N4BP2: variants seen among roughly 807,000 people sequenced by gnomAD.
N4BP2 encodes NEDD4 binding protein 2, also known as NEDD4-binding protein 2.
N4BP2 carries 91 observed loss-of-function variants against 152.8 expected under a neutral mutation model. That is an observed-to-expected ratio of 0.60 (90% CI 0.50 to 0.71). The LOEUF (loss-of-function observed/expected upper bound fraction) is 0.71, where lower values mean the gene tolerates loss of function less well. N4BP2 is among the 30% of genes least tolerant of loss of function. The probability of loss-of-function intolerance (pLI) is 0.00; values close to 1 mark genes in which losing one functional copy is unlikely to be tolerated. For synonymous variants in N4BP2, 646 were observed against 705.3 expected (o/e 0.92, Z 1.33); for missense variants, 1,923 against 2,059.1 (o/e 0.93, Z 1.28).
At chr4:40,110,784 C>T (rs116663307) in intron 5 of N4BP2, among the ~76,000 whole-genome samples, 1,538 of 152,196 alleles carry the variant, frequency 0.01, 35 homozygotes, top group African/African-American at 0.034. Context: ...GTGATCCGCC[C>T]GCCTCAGTAT....
chr4:40,145,928 G>A (rs185270964), intron 16 of N4BP2, among the ~76,000 whole-genome samples: 2 of 152,186 alleles, frequency 1.3e-5, no homozygotes, highest in East Asian at 3.9e-4. Context: ...TTCGGAGGCC[G>A]AGGTGGGCGG....
intron 9 of N4BP2, 21 bp downstream of exon 9, chr4:40,122,330 C>A (rs1718016803): frequency 6.8e-7 from 1 of 1,474,562 alleles, no homozygotes; most frequent in Non-Finnish European, 9.2e-7. Flanking sequence ...AGTAAATGAC[C>A]ATGTGTGTGT....
At chr4:40,166,725 A>T in the N4BP2 span, 1 of 152,142 alleles carries the variant, frequency 6.6e-6, no homozygotes, top group African/African-American at 2.4e-5. Context: ...TAATTAATAG[A>T]TGCACTTTTT....
intron 5 of N4BP2, among the ~76,000 whole-genome samples, chr4:40,111,682 C>G (rs1339385624): frequency 6.6e-6 from 1 of 151,994 alleles, no homozygotes; most frequent in Non-Finnish European, 1.5e-5. Context: ...GTGGCCTGAT[C>G]TTGGCTCACT....
At chr4:40,066,441 C>T (rs1306038792) in intron 1 of N4BP2, among the ~76,000 whole-genome samples, 1 of 150,054 alleles carries the variant, frequency 6.7e-6, no homozygotes, top group Non-Finnish European at 1.5e-5. Flanking sequence ...GCCTCAGTCT[C>T]CCAAGTACCT....
chr4:40,125,672 G>A (rs1718321543), intron 11 of N4BP2, among the ~76,000 whole-genome samples: 1 of 152,112 alleles, frequency 6.6e-6, no homozygotes, highest in Non-Finnish European at 1.5e-5. Context: ...GATCACCTGA[G>A]GTCAGGAGTT....
In N4BP2 at chr4:40,103,025, A is replaced by G; in HGVS notation, c.1180A>G (p.Asn394Asp). Residue 394 changes from asparagine (N) to aspartate (D), a missense_variant, in exon 4 of 18, where the codon AAC becomes GAC. Physicochemically the swap from Asn to Asp is conservative, Grantham distance 23. Transcript: ENST00000261435. ...VTTAAHWRSV[N>D]YTFPPSVISH... ...CACAGCTGCACACTGGAGATCTGTC[A>G]ACTACACATTTCCACCCTCAGTTAT... 6.2e-7 allele frequency: 1 copy of G among 1,614,192 alleles called. No homozygotes were observed. Among genetic ancestry groups the G allele is most frequent in the Non-Finnish European group, 8.5e-7 (1 of 1,180,014 alleles).
chr4:40,111,540 C>T (rs946947668), intron 5 of N4BP2, among the ~76,000 whole-genome samples: 3 of 151,856 alleles, frequency 2.0e-5, no homozygotes, highest in East Asian at 1.9e-4. Flanking sequence ...AGGTTGGTCT[C>T]GAACTCCTGA....
In N4BP2 at chr4:40,120,170, G is replaced by A. The variant is rs747997505; in HGVS notation, c.2059G>A (p.Asp687Asn). The change falls in exon 9 of 18, where the codon GAC (aspartate) becomes AAC (asparagine). Residue 687 changes from aspartate (D) to asparagine (N), a missense_variant. Physicochemically the swap from Asp to Asn is conservative, Grantham distance 23. Coordinates refer to ENST00000261435, the MANE Select transcript of N4BP2 (RefSeq NM_018177.6). The part of the protein sequence containing the change: ...ILETPHMYFS[D>N]SESKLQATDK... ...GGAAACTCCACACATGTATTTTTCT[G>A]ACTCTGAAAGCAAACTACAGGCAAC... is the stretch of plus-strand genomic sequence containing the variant. The A allele has an allele frequency of 4.7e-5, 76 of 1,613,136 alleles. No individual in the cohort carries two copies. Among genetic ancestry groups the A allele is most frequent in the Non-Finnish European group, 6.4e-5 (76 of 1,179,834 alleles).
chr4:40,109,590 C>T (rs571608959), intron 5 of N4BP2, among the ~76,000 whole-genome samples: 81 of 152,072 alleles, frequency 5.3e-4, no homozygotes, highest in African/African-American at 1.9e-3. Context: ...TGGTGGTGCA[C>T]ACCTATAGTC....
At chr4:40,158,891 A>T (rs1310034551), downstream of N4BP2, among the ~76,000 whole-genome samples, 1 of 152,216 alleles carries the variant, frequency 6.6e-6, no homozygotes, top group Non-Finnish European at 1.5e-5. Flanking sequence ...AAAAACATTT[A>T]TCTAACAAAT....
At chr4:40,095,486 A>G (rs990061558) in intron 2 of N4BP2, among the ~76,000 whole-genome samples, 2 of 152,244 alleles carry the variant, frequency 1.3e-5, no homozygotes, top group Non-Finnish European at 2.9e-5. Context: ...ATATTAATAT[A>G]TAAATGTACT....
At chr4:40,080,853 A>C (rs1713291890) in intron 2 of N4BP2, among the ~76,000 whole-genome samples, 2 of 141,392 alleles carry the variant, frequency 1.4e-5, no homozygotes, top group East Asian at 2.1e-4. Context: ...TTATTAGTAG[A>C]GATGGGGTTT....
chr4:40,156,336 A>T lies in N4BP2; in HGVS notation c.*2099A>T, dbSNP rs919293577. ...TAGAGGTGTGGTATTCCGTGGGCAG[A>T]AGTCAAATGAAAAAAGCTATATTGT... On this transcript the variant is annotated 3_prime_UTR_variant, in exon 18 of 18. Coordinates refer to ENST00000261435, the MANE Select transcript of N4BP2 (RefSeq NM_018177.6). 7 of 152,150 alleles carry T rather than the reference A, an allele frequency of 4.6e-5. No homozygotes were observed. The highest frequency in any genetic ancestry group is 8.8e-5 in the Non-Finnish European group (6 of 67,992). The allele number at this position is 152,150 out of a possible 1,614,324, so 9.4% of individuals were successfully genotyped here.
chr4:40,070,529 G>A (rs1037998202), intron 1 of N4BP2, among the ~76,000 whole-genome samples: 16 of 151,938 alleles, frequency 1.1e-4, no homozygotes, highest in African/African-American at 3.9e-4. Context: ...GCTTACTGCA[G>A]CCTTGACCTC....
At chr4:40,141,250 G>A (rs1719913310) in intron 14 of N4BP2, among the ~76,000 whole-genome samples, 1 of 151,748 alleles carries the variant, frequency 6.6e-6, no homozygotes, top group East Asian at 2.0e-4. Flanking sequence ...TGGACGGGGC[G>A]GCTGGCCTGG....
the N4BP2 span, among the ~76,000 whole-genome samples, chr4:40,182,226 T>C: frequency 2.0e-5 from 3 of 152,192 alleles, no homozygotes; most frequent in Non-Finnish European, 4.4e-5. Context: ...TTCAGGCTGA[T>C]ACAAGAACAT....
At position 40,120,219 on chromosome 4, in the gene N4BP2, T is replaced by C. The variant is rs1717734770; in HGVS notation, c.2108T>C (p.Ile703Thr). The change falls in exon 9 of 18, where the codon ATA (isoleucine) becomes ACA (threonine). Residue 703 changes from isoleucine to threonine, a missense_variant. Physicochemically the swap from Ile to Thr is moderately conservative, Grantham distance 89. Coordinates refer to ENST00000261435, the MANE Select transcript of N4BP2 (RefSeq NM_018177.6). ...QATDKSENEQ[I>T]EMVAVKGYSK... ...ACAGACAAAAGTGAAAACGAGCAAA[T>C]AGAAATGGTGGCTGTAAAAGGGTAT... 1 of 1,613,636 alleles carries C rather than the reference T, an allele frequency of 6.2e-7. No homozygotes were observed. Among genetic ancestry groups the C allele is most frequent in the Admixed American group, 1.7e-5 (1 of 59,990 alleles).
At chr4:40,161,111 G>T (rs550129390), downstream of N4BP2, among the ~76,000 whole-genome samples, 1 of 152,182 alleles carries the variant, frequency 6.6e-6, no homozygotes, top group African/African-American at 2.4e-5. Context: ...ATAACAGCCC[G>T]AAGTCATAAC....
Sources: gnomAD v4.1 joint callset for allele counts (sites outside exome capture counted in the v4.1 genomes callset) on GRCh38, gnomAD v4.1.1 for gene constraint, MANE v1.5 for transcripts, NCBI Gene and HGNC (gene_info 2026-07-23, HGNC 2026-07-21) for gene names.